The following OPCML variants were observed in gnomAD, a reference collection of about 807,000 sequenced individuals.
OPCML encodes the protein opioid-binding protein/cell adhesion molecule.
OPCML carries 13 observed loss-of-function variants against 37.8 expected under a neutral mutation model. That is an observed-to-expected ratio of 0.34 (90% CI 0.22 to 0.55). The LOEUF (loss-of-function observed/expected upper bound fraction) is 0.55. Ranked by LOEUF, OPCML falls within the 20% of genes least tolerant of loss-of-function variation. OPCML has a pLI of 0.91. For synonymous variants in OPCML, 176 were observed against 168.8 expected (o/e 1.04, Z -0.33); for missense variants, 341 against 435.6 (o/e 0.78, Z 1.93).
chr11:133,513,986 G>T (rs947205690), intron 1 of OPCML, among the ~76,000 whole-genome samples: 1 of 152,150 alleles, frequency 6.6e-6, no homozygotes, highest in Non-Finnish European at 1.5e-5. Flanking sequence ...CAAAGGGTCA[G>T]TCCCTACACA....
intron 3 of OPCML, among the ~76,000 whole-genome samples, chr11:132,640,336 T>C (rs1940779078): frequency 6.6e-6 from 1 of 151,502 alleles, no homozygotes; most frequent in Non-Finnish European, 1.5e-5. Flanking sequence ...AAGAGGAGAG[T>C]CTTCACATCT....
At chr11:132,424,323 G>A (rs904304552) in intron 7 of OPCML, among the ~76,000 whole-genome samples, 7 of 152,104 alleles carry the variant, frequency 4.6e-5, no homozygotes, top group African/African-American at 9.7e-5. Context: ...GTTTCACCAC[G>A]TTAGCCAGGA....
intron 1 of OPCML, among the ~76,000 whole-genome samples, chr11:133,210,040 A>T (rs957660700): frequency 6.6e-6 from 1 of 152,274 alleles, no homozygotes; most frequent in East Asian, 1.9e-4. Flanking sequence ...TTGCACGCAC[A>T]CACCTCTCCG....
At chr11:133,202,781 C>T (rs566007) in intron 1 of OPCML, among the ~76,000 whole-genome samples, 68,977 of 152,114 alleles carry the variant, frequency 0.45, 18,134 homozygotes, top group African/African-American at 0.73. Context: ...CCTGCCAGGA[C>T]CCAACATGCT....
chr11:132,471,971 T>C (rs2096139366), intron 4 of OPCML, among the ~76,000 whole-genome samples: 1 of 152,024 alleles, frequency 6.6e-6, no homozygotes, highest in African/African-American at 2.4e-5. Flanking sequence ...GGTGGAGGAG[T>C]AGCAGCAGGC....
At chr11:132,933,345 CTTGCAAATCGTTCAGAA>C (rs1197214795) in intron 2 of OPCML, among the ~76,000 whole-genome samples, 1 of 152,180 alleles carries the variant, frequency 6.6e-6, no homozygotes, top group East Asian at 1.9e-4. Context: ...ACATTCCTCC[CTTGCAAATCGTTCAGAA>C]TCTCCTGCCT....
intron 1 of OPCML, among the ~76,000 whole-genome samples, chr11:133,140,853 CG>C (rs1949783813): frequency 3.6e-5 from 1 of 28,032 alleles, no homozygotes; most frequent in African/African-American, 1.0e-4. Context: ...ACGACGACGA[CG>C]AAGAAGACGA....
At chr11:132,865,505 A>C (rs1000736734) in intron 2 of OPCML, among the ~76,000 whole-genome samples, 1 of 152,232 alleles carries the variant, frequency 6.6e-6, no homozygotes. Flanking sequence ...TCTAGGCCTC[A>C]GCATTAGCAT....
At chr11:132,596,642 A>C (rs2096492963) in intron 3 of OPCML, among the ~76,000 whole-genome samples, 1 of 152,160 alleles carries the variant, frequency 6.6e-6, no homozygotes, top group East Asian at 1.9e-4. Context: ...TGGGGAGGAC[A>C]GTCTTTTGCT....
chr11:133,005,426 T>A, intron 1 of OPCML: 1 of 985,394 alleles, frequency 1.0e-6, no homozygotes, highest in Non-Finnish European at 1.2e-6. Flanking sequence ...ACCCATGTTC[T>A]CCTTTTCTAC....
At chr11:132,950,241 G>C (rs1945829777) in intron 1 of OPCML, among the ~76,000 whole-genome samples, 1 of 152,206 alleles carries the variant, frequency 6.6e-6, no homozygotes, top group Non-Finnish European at 1.5e-5. Context: ...CAGGGGTACA[G>C]AGTAGAAGCA....
intron 1 of OPCML, among the ~76,000 whole-genome samples, chr11:133,086,625 A>T (rs1948822961): frequency 6.6e-6 from 1 of 152,262 alleles, no homozygotes; most frequent in Middle Eastern, 3.4e-3. Flanking sequence ...TGGTGTAATG[A>T]CTGCACAATC....
At chr11:132,719,088 G>T (rs1277170020) in intron 2 of OPCML, among the ~76,000 whole-genome samples, 1 of 152,204 alleles carries the variant, frequency 6.6e-6, no homozygotes, top group African/African-American at 2.4e-5. Flanking sequence ...CCTGCAAGGA[G>T]AGGGCCCAGG....
At chr11:133,524,967 C>A (rs1948461636) in intron 1 of OPCML, among the ~76,000 whole-genome samples, 1 of 152,212 alleles carries the variant, frequency 6.6e-6, no homozygotes, top group Admixed American at 6.5e-5. Context: ...TTCTCTCATT[C>A]ATTTGTTCAA....
intron 1 of OPCML, among the ~76,000 whole-genome samples, chr11:133,270,244 T>C (rs766611529): frequency 1.3e-5 from 2 of 152,230 alleles, no homozygotes; most frequent in Non-Finnish European, 1.5e-5. Context: ...CAGCACACTG[T>C]GGAGTTCTTG....
At chr11:132,558,340 TCTCC>T (rs2096401596) in intron 3 of OPCML, among the ~76,000 whole-genome samples, 1 of 21,280 alleles carries the variant, frequency 4.7e-5, no homozygotes, top group African/African-American at 2.2e-4. Flanking sequence ...CCCCTCCTCC[TCTCC>T]CCCTCCTCCC....
chr11:132,751,934 C>G (rs776475314), intron 2 of OPCML, among the ~76,000 whole-genome samples: 3 of 152,158 alleles, frequency 2.0e-5, no homozygotes, highest in Non-Finnish European at 2.9e-5. Flanking sequence ...AAAAGCAAAG[C>G]CCAATAACAC....
chr11:133,529,605 C>T (rs12799484), intron 1 of OPCML, among the ~76,000 whole-genome samples: 39,074 of 152,066 alleles, frequency 0.26, 5,447 homozygotes, highest in African/African-American at 0.34. Context: ...CTTAAAATTA[C>T]TCTGGGATGG....
At chr11:133,220,657 C>G (rs1939776866) in intron 1 of OPCML, among the ~76,000 whole-genome samples, 1 of 152,176 alleles carries the variant, frequency 6.6e-6, no homozygotes, top group Admixed American at 6.5e-5. Flanking sequence ...TACTTCAGGT[C>G]TTAAAATCAC....
Sources: gnomAD v4.1 joint callset for allele counts (sites outside exome capture counted in the v4.1 genomes callset) on GRCh38, gnomAD v4.1.1 for gene constraint, MANE v1.5 for transcripts, NCBI Gene and HGNC (gene_info 2026-07-23, HGNC 2026-07-21) for gene names.